The following PSD4 variants were observed in gnomAD, a reference collection of about 807,000 sequenced individuals.
PSD4 encodes the protein PH and SEC7 domain-containing protein 4.
PSD4 carries 59 observed loss-of-function variants against 112.5 expected under a neutral mutation model. The ratio of observed to expected loss-of-function variants is 0.52; its 90% CI spans 0.43 to 0.65. The LOEUF is 0.65. Among genes scored for constraint, PSD4 ranks in the 30% least tolerant of loss-of-function variants. The probability of loss-of-function intolerance (pLI) is 0.00; values close to 1 mark genes in which losing one functional copy is unlikely to be tolerated. For missense variants in PSD4, 1,267 were observed against 1,352.6 expected (o/e 0.94, Z 0.99); for synonymous variants, 533 against 540.0 (o/e 0.99, Z 0.18).
rs1321579354 is a variant in PSD4, at chr2:113,196,293, C to T, written c.2372C>T (p.Ala791Val). ...GILARKMHQD[A>V]DGKKTPWGKR... ...CTGGCTCGGAAAATGCATCAAGATG[C>T]AGACGGCAAGAAGAGTGAGTGTCTG... The change falls in exon 12 of 17, where the codon GCA (alanine) becomes GTA (valine). Residue 791 changes from alanine (A) to valine (V), a missense_variant. Physicochemically the swap from Ala to Val is moderately conservative, Grantham distance 64. Around this residue, in one of 2 missense-constraint regions of PSD4, gnomAD observed 544 missense variants for 648.6 expected, o/e 0.84. Coordinates refer to ENST00000245796, the MANE Select transcript of PSD4 (RefSeq NM_012455.3). 1 of 1,613,386 alleles carries T rather than the reference C, an allele frequency of 6.2e-7. No individual in the cohort carries two copies.
At position 113,201,795 on chromosome 2, in the gene PSD4, G is replaced by C. The variant is rs1399342340; in HGVS notation, c.*380G>C. On this transcript the variant is annotated 3_prime_UTR_variant, in exon 17 of 17. Transcript: ENST00000245796. ...CACTTGTTTGAGAACCAGTGCTTATGTGGTGTGCCCTTGGCTTCTGGGGGA... is the reference window on the plus strand; with the variant it reads ...CACTTGTTTGAGAACCAGTGCTTATCTGGTGTGCCCTTGGCTTCTGGGGGA... 4.2e-6 allele frequency: 1 copy of C among 237,474 alleles called. No homozygotes were observed. The highest frequency in any genetic ancestry group is 8.4e-6 in the Non-Finnish European group (1 of 119,004). 14.7% of individuals were successfully genotyped at this position (237,474 alleles called of 1,614,324 possible).
chr2:113,187,362 A>T (rs1197144822), intron 5 of PSD4, among the ~76,000 whole-genome samples: 1 of 152,048 alleles, frequency 6.6e-6, no homozygotes, highest in African/African-American at 2.4e-5. Flanking sequence ...CCCACCTCCC[A>T]GCTCTGGCTC....
intron 1 of PSD4, among the ~76,000 whole-genome samples, chr2:113,176,243 G>A (rs1011812766): frequency 6.6e-6 from 1 of 152,232 alleles, no homozygotes; most frequent in South Asian, 2.1e-4. Context: ...CCGGGTGCCA[G>A]GTGTCAGCTG....
chr2:113,197,387 G>A (rs1573376146), intron 12 of PSD4, 177 bp from the exon 13 acceptor site: 2 of 700,200 alleles, frequency 2.9e-6, no homozygotes, highest in East Asian at 5.4e-5. Context: ...GACTCTATAT[G>A]TTTGTTTACG....
intron 5 of PSD4, among the ~76,000 whole-genome samples, chr2:113,187,153 A>G (rs919116853): frequency 6.6e-6 from 1 of 152,198 alleles, no homozygotes; most frequent in African/African-American, 2.4e-5. Flanking sequence ...GAACCCCGAG[A>G]GGAAGGTATT....
chr2:113,196,838 A>T lies in PSD4; in HGVS notation c.2386+531A>T, dbSNP rs45556935. On this transcript the variant is annotated intron_variant, in intron 12 of 16. Transcript: ENST00000245796. ...CATGGGGTGTGTGAAAGGGAGGTACACTTGAGGCAAAATTGCCAGGGCCTG... is the reference window on the plus strand; with the variant it reads ...CATGGGGTGTGTGAAAGGGAGGTACTCTTGAGGCAAAATTGCCAGGGCCTG... Among the ~76,000 whole-genome samples the T allele has an allele frequency of 5.5e-3, 839 of 152,296 alleles. 6 individuals carry two copies. Among genetic ancestry groups the T allele is most frequent in the African/African-American group, 0.019 (803 of 41,556 alleles).
intron 1 of PSD4, among the ~76,000 whole-genome samples, chr2:113,180,658 C>T (rs775467370): frequency 2.1e-5 from 3 of 141,514 alleles, no homozygotes; most frequent in Non-Finnish European, 3.0e-5. Flanking sequence ...GCTTCCTCAT[C>T]TGTTAAACAG....
In PSD4 at chr2:113,185,239, G is replaced by T. The variant is rs1056754439; in HGVS notation, c.1174-126G>T. On this transcript the variant is annotated intron_variant, in intron 3 of 16. Coordinates refer to ENST00000245796, the MANE Select transcript of PSD4 (RefSeq NM_012455.3). ...CCAGCCTGGGTGGGAGGAGGATGGA[G>T]GGGCTTCTGCCTACTCATGGCATCC... is the stretch of plus-strand genomic sequence containing the variant. 4 of 1,544,408 alleles carry T rather than the reference G, an allele frequency of 2.6e-6. No homozygotes were observed. The African/African-American group carries it at 4.1e-5, about 16-fold the overall frequency.
chr2:113,196,032 T>G (rs1573374245), intron 11 of PSD4, 115 bp from the exon 12 acceptor site: 1 of 1,356,666 alleles, frequency 7.4e-7, no homozygotes, highest in Middle Eastern at 1.9e-4. Context: ...TTGTGGGGGG[T>G]CCTGGGGTGT....
At chr2:113,197,346 G>A (rs1688639810) in intron 12 of PSD4, 3 of 608,420 alleles carry the variant, frequency 4.9e-6, no homozygotes, top group Admixed American at 5.1e-5. Context: ...CTATGGTTTT[G>A]TTTCCAGCGG....
At chr2:113,180,843 T>G (rs1427973862) in intron 1 of PSD4, among the ~76,000 whole-genome samples, 1 of 152,106 alleles carries the variant, frequency 6.6e-6, no homozygotes, top group Non-Finnish European at 1.5e-5. Context: ...CCCCAAAATA[T>G]TCTAATATAG....
intron 1 of PSD4, among the ~76,000 whole-genome samples, chr2:113,177,379 C>G (rs933512536): frequency 7.2e-5 from 11 of 152,226 alleles, no homozygotes; most frequent in Non-Finnish European, 1.6e-4. Flanking sequence ...ATTCATCTAG[C>G]CATCCCCTCT....
At chr2:113,183,671 G>A (rs1454759754) in intron 2 of PSD4, among the ~76,000 whole-genome samples, 159 bp downstream of exon 2, 1 of 152,206 alleles carries the variant, frequency 6.6e-6, no homozygotes, top group Non-Finnish European at 1.5e-5. Context: ...AGAAAATCAG[G>A]ACCAGTGTTG....
chr2:113,188,214 A>T (rs182863062), intron 5 of PSD4, among the ~76,000 whole-genome samples: 1 of 152,352 alleles, frequency 6.6e-6, no homozygotes, highest in East Asian at 1.9e-4. Flanking sequence ...AAGTATGCAA[A>T]TATAAATTAT....
intron 2 of PSD4, among the ~76,000 whole-genome samples, chr2:113,183,820 A>G (rs962334723): frequency 1.3e-5 from 2 of 152,176 alleles, no homozygotes; most frequent in African/African-American, 4.8e-5. Context: ...AGCTCCTCCA[A>G]TTGCAGCATG....
chr2:113,175,566 G>C (rs773767496), intron 1 of PSD4, among the ~76,000 whole-genome samples: 2 of 152,202 alleles, frequency 1.3e-5, no homozygotes, highest in Non-Finnish European at 2.9e-5. Flanking sequence ...TCGGGCTGCA[G>C]AGGGACAGGA....
At chr2:113,194,786 G>A (rs1688549234) in intron 10 of PSD4, among the ~76,000 whole-genome samples, 1 of 152,154 alleles carries the variant, frequency 6.6e-6, no homozygotes, top group African/African-American at 2.4e-5. Flanking sequence ...ATCTGTATAG[G>A]ACAGCTCCAT....
chr2:113,177,750 A>T (rs180949003), intron 1 of PSD4, among the ~76,000 whole-genome samples: 1 of 152,302 alleles, frequency 6.6e-6, no homozygotes, highest in East Asian at 1.9e-4. Context: ...CAATATTTTC[A>T]TACTGAGACA....
chr2:113,179,251 G>A (rs1394221669), intron 1 of PSD4, among the ~76,000 whole-genome samples: 1 of 152,194 alleles, frequency 6.6e-6, no homozygotes, highest in East Asian at 1.9e-4. Flanking sequence ...AGAGCACTGA[G>A]GGTGACAATG....
Sources: gnomAD v4.1 joint callset for allele counts (sites outside exome capture counted in the v4.1 genomes callset) on GRCh38, gnomAD v4.1.1 for gene constraint, gnomAD v4.1.1 regional missense constraint, MANE v1.5 for transcripts, NCBI Gene and HGNC (gene_info 2026-07-23, HGNC 2026-07-21) for gene names.